GRM7: variants seen among roughly 807,000 people sequenced by gnomAD.
GRM7 encodes the protein metabotropic glutamate receptor 7.
A neutral mutation model predicts 84.5 loss-of-function variants in GRM7; 35 were observed. That is an observed-to-expected ratio of 0.41 (90% CI 0.32 to 0.55). The LOEUF (loss-of-function observed/expected upper bound fraction) is 0.55. Ranked by LOEUF, GRM7 falls within the 20% of genes least tolerant of loss-of-function variation. GRM7 has a pLI of 0.19. For missense variants in GRM7, 1,003 were observed against 1,194.6 expected (o/e 0.84, Z 2.36); for synonymous variants, 487 against 455.1 (o/e 1.07, Z -0.89).
At chr3:7,515,621 C>T (rs559497633) in intron 7 of GRM7, among the ~76,000 whole-genome samples, 42 of 152,282 alleles carry the variant, frequency 2.8e-4, no homozygotes, top group African/African-American at 9.6e-4. Context: ...GTTCCCCAGC[C>T]TTATAAAGGG....
chr3:7,169,836 A>G (rs1694924724), intron 2 of GRM7, among the ~76,000 whole-genome samples: 2 of 152,350 alleles, frequency 1.3e-5, no homozygotes. Flanking sequence ...TCTACCCAAG[A>G]TATAATAGTT....
chr3:7,319,092 A>G (rs1180077531), intron 4 of GRM7, among the ~76,000 whole-genome samples: 3 of 152,066 alleles, frequency 2.0e-5, no homozygotes, highest in Non-Finnish European at 4.4e-5. Flanking sequence ...CAAAAAAGAT[A>G]TAAGATACTG....
chr3:7,378,969 G>T (rs1394010733), intron 4 of GRM7, among the ~76,000 whole-genome samples: 1 of 152,128 alleles, frequency 6.6e-6, no homozygotes, highest in East Asian at 1.9e-4. Context: ...ACACTATCCA[G>T]CCCATTATCA....
intron 5 of GRM7, among the ~76,000 whole-genome samples, chr3:7,418,983 T>C (rs756476892): frequency 3.9e-5 from 6 of 152,144 alleles, no homozygotes; most frequent in Non-Finnish European, 8.8e-5. Context: ...TTAATTTAAA[T>C]AAAGGGTCTG....
intron 2 of GRM7, among the ~76,000 whole-genome samples, chr3:7,249,309 G>A (rs1033367501): frequency 3.9e-5 from 6 of 152,162 alleles, no homozygotes; most frequent in African/African-American, 7.2e-5. Flanking sequence ...GAGTATATAC[G>A]TAAATGCTAG....
At chr3:6,974,046 A>G (rs543786490) in intron 1 of GRM7, among the ~76,000 whole-genome samples, 1 of 152,216 alleles carries the variant, frequency 6.6e-6, no homozygotes, top group African/African-American at 2.4e-5. Flanking sequence ...GCAAACTTTA[A>G]ATTTGAAATG....
At chr3:7,122,191 G>T (rs764311129) in intron 1 of GRM7, among the ~76,000 whole-genome samples, 31 of 152,202 alleles carry the variant, frequency 2.0e-4, no homozygotes, top group Non-Finnish European at 3.8e-4. Context: ...TTGTTCACCT[G>T]TAGTTGTGGC....
intron 1 of GRM7, among the ~76,000 whole-genome samples, chr3:6,897,739 A>G (rs1204875410): frequency 6.6e-6 from 1 of 152,260 alleles, no homozygotes; most frequent in Non-Finnish European, 1.5e-5. Flanking sequence ...TAAGAAGTTC[A>G]TCAAACAAGG....
chr3:7,419,453 C>T (rs1008273010), intron 5 of GRM7, among the ~76,000 whole-genome samples: 7 of 152,074 alleles, frequency 4.6e-5, no homozygotes, highest in Admixed American at 3.9e-4. Context: ...TAATGGCATC[C>T]CCAAGAGTGT....
At chr3:7,114,750 G>C (rs1273136326) in intron 1 of GRM7, among the ~76,000 whole-genome samples, 2 of 152,102 alleles carry the variant, frequency 1.3e-5, no homozygotes, top group African/African-American at 4.8e-5. Context: ...AATAAATTGG[G>C]AGTATAACAT....
At position 7,484,187 on chromosome 3, in the gene GRM7, A is replaced by G. The variant is rs182046920; in HGVS notation, c.1515+22465A>G. ...AGGTGCATTTAACAAGAGTGGAGCA[A>G]TCTGTGTCTCCAATTTCTGATACAT... is the stretch of plus-strand genomic sequence containing the variant. On this transcript the variant is annotated intron_variant, in intron 7 of 9. Transcript: ENST00000357716. Among the ~76,000 whole-genome samples the G allele has an allele frequency of 3.9e-5, 6 of 152,322 alleles. No homozygotes were observed. In the East Asian group the frequency reaches 1.2e-3, roughly 29 times the overall value.
chr3:7,358,222 T>A lies in GRM7; in HGVS notation c.1033+51570T>A, dbSNP rs114483236. Among the ~76,000 whole-genome samples the A allele has an allele frequency of 6.1e-3, 935 of 152,190 alleles. 6 individuals are homozygous for A. Among genetic ancestry groups the A allele is most frequent in the African/African-American group, 0.021 (881 of 41,540 alleles). On this transcript the variant is annotated intron_variant, in intron 4 of 9. Coordinates refer to ENST00000357716, the MANE Select transcript of GRM7 (RefSeq NM_000844.4). The stretch of plus-strand genomic sequence containing the variant: ...CAGAAGTAAGAATGAGAGACCTTTA[T>A]TTTGTAGGAAATTATGATTGTAGAG...
chr3:7,029,033 G>C (rs1696084718), intron 1 of GRM7, among the ~76,000 whole-genome samples: 1 of 152,170 alleles, frequency 6.6e-6, no homozygotes, highest in Non-Finnish European at 1.5e-5. Flanking sequence ...GTTGGGCACG[G>C]TGGCTCATGC....
chr3:7,389,801 A>G (rs1224718842), intron 4 of GRM7, among the ~76,000 whole-genome samples: 1 of 151,638 alleles, frequency 6.6e-6, no homozygotes, highest in Non-Finnish European at 1.5e-5. Flanking sequence ...TTTTAATCCA[A>G]TTTGCCACTC....
intron 8 of GRM7, among the ~76,000 whole-genome samples, chr3:7,655,548 T>G (rs1006369369): frequency 3.3e-5 from 5 of 152,230 alleles, no homozygotes; most frequent in African/African-American, 1.2e-4. Flanking sequence ...TCCACTATAC[T>G]GGCCAGCCTC....
At chr3:6,900,906 T>A (rs1469327245) in intron 1 of GRM7, among the ~76,000 whole-genome samples, 2 of 152,176 alleles carry the variant, frequency 1.3e-5, no homozygotes, top group Admixed American at 1.3e-4. Flanking sequence ...CAGTGCAACA[T>A]TCACAGTATT....
chr3:7,252,764 C>G (rs191544346), intron 2 of GRM7, among the ~76,000 whole-genome samples: 8 of 148,300 alleles, frequency 5.4e-5, no homozygotes, highest in East Asian at 2.0e-4. Context: ...TCTCGGCTCA[C>G]TGCAACCTCT....
intron 9 of GRM7, among the ~76,000 whole-genome samples, chr3:7,695,285 T>C (rs1700974870): frequency 6.6e-6 from 1 of 152,160 alleles, no homozygotes; most frequent in Non-Finnish European, 1.5e-5. Flanking sequence ...TAAAGCTGAA[T>C]CTCCATGACA....
chr3:7,603,578 A>G (rs979427399), intron 8 of GRM7, among the ~76,000 whole-genome samples: 2 of 152,182 alleles, frequency 1.3e-5, no homozygotes, highest in African/African-American at 4.8e-5. Flanking sequence ...ACTTATATTT[A>G]TCTCTATAAC....
Sources: gnomAD v4.1 joint callset for allele counts (sites outside exome capture counted in the v4.1 genomes callset) on GRCh38, gnomAD v4.1.1 for gene constraint, MANE v1.5 for transcripts, NCBI Gene and HGNC (gene_info 2026-07-23, HGNC 2026-07-21) for gene names.